Variants in LOC400499 observed in about 807,000 individuals in gnomAD.
chr16:11,429,664 G>C, the LOC400499 span, among the ~76,000 whole-genome samples: 1 of 152,166 alleles, frequency 6.6e-6, no homozygotes, highest in Non-Finnish European at 1.5e-5. Context: ...AGTAGCGACG[G>C]GGTTTCACCA....
chr16:11,410,694 C>T, the LOC400499 span, among the ~76,000 whole-genome samples: 1 of 91,764 alleles, frequency 1.1e-5, no homozygotes, highest in Non-Finnish European at 2.3e-5. Context: ...CATGCACTCA[C>T]CTATTCATGC....
chr16:11,420,997 G>A, the LOC400499 span, among the ~76,000 whole-genome samples: 1 of 152,144 alleles, frequency 6.6e-6, no homozygotes, highest in Admixed American at 6.5e-5. Context: ...AGTTTCAGGG[G>A]CTCTGTACTG....
At chr16:11,419,472 C>T in the LOC400499 span, among the ~76,000 whole-genome samples, 2,156 of 147,142 alleles carry the variant, frequency 0.015, 20 homozygotes, top group Non-Finnish European at 0.025. Flanking sequence ...AAGACTTAAA[C>T]GTTAGACCTA....
At chr16:11,475,795 C>G in the LOC400499 span, 1 of 396,186 alleles carries the variant, frequency 2.5e-6, no homozygotes, top group Non-Finnish European at 4.5e-6. Flanking sequence ...GCTGCCAGAG[C>G]TTGGCACAGG....
At chr16:11,494,312 C>T in the LOC400499 span, among the ~76,000 whole-genome samples, 1 of 147,610 alleles carries the variant, frequency 6.8e-6, no homozygotes, top group Admixed American at 6.8e-5. Flanking sequence ...GCCCATTCCC[C>T]CTTCCCCCCT....
the LOC400499 span, among the ~76,000 whole-genome samples, chr16:11,380,565 G>C: frequency 6.6e-6 from 1 of 152,148 alleles, no homozygotes; most frequent in African/African-American, 2.4e-5. Flanking sequence ...AATTTCCTAT[G>C]AGAATTCATA....
chr16:11,422,450 A>T, the LOC400499 span, among the ~76,000 whole-genome samples: 3 of 152,258 alleles, frequency 2.0e-5, no homozygotes, highest in South Asian at 4.1e-4. Context: ...CGGAAAGGAA[A>T]GGAAAGGAAA....
chr16:11,448,589 G>A, the LOC400499 span, among the ~76,000 whole-genome samples: 4 of 152,074 alleles, frequency 2.6e-5, no homozygotes, highest in Admixed American at 2.0e-4. Context: ...ATGGTGGCAT[G>A]AGTGGCATGT....
At chr16:11,497,162 G>C in the LOC400499 span, among the ~76,000 whole-genome samples, 3 of 152,192 alleles carry the variant, frequency 2.0e-5, no homozygotes, top group Non-Finnish European at 2.9e-5. Context: ...CAGTGTGCGT[G>C]TGCACGTCCC....
the LOC400499 span, chr16:11,493,804 G>A: frequency 1.3e-5 from 5 of 371,788 alleles, no homozygotes; most frequent in South Asian, 1.5e-4. Flanking sequence ...GAGCTAAATC[G>A]AGATGGAGGT....
At chr16:11,438,483 T>C in the LOC400499 span, among the ~76,000 whole-genome samples, 1 of 151,810 alleles carries the variant, frequency 6.6e-6, no homozygotes, top group African/African-American at 2.4e-5. Context: ...AAAAAAATGC[T>C]ATCAGGGCTG....
the LOC400499 span, among the ~76,000 whole-genome samples, chr16:11,400,710 G>C: frequency 1.3e-5 from 2 of 152,094 alleles, no homozygotes; most frequent in Non-Finnish European, 2.9e-5. Flanking sequence ...CTCAGTGCTG[G>C]GATTACAGGC....
chr16:11,496,332 G>C, the LOC400499 span, among the ~76,000 whole-genome samples: 1 of 152,202 alleles, frequency 6.6e-6, no homozygotes, highest in Admixed American at 6.5e-5. Flanking sequence ...CTCCCAAAGT[G>C]CTGGGATTAC....
At chr16:11,419,571 C>T in the LOC400499 span, among the ~76,000 whole-genome samples, 1 of 152,152 alleles carries the variant, frequency 6.6e-6, no homozygotes, top group Non-Finnish European at 1.5e-5. Context: ...ACACCAAAAG[C>T]AATGGCGACA....
chr16:11,446,457 C>A, the LOC400499 span: 2 of 1,200,782 alleles, frequency 1.7e-6, no homozygotes, highest in Non-Finnish European at 2.4e-6. Flanking sequence ...TGCACTCAGT[C>A]CAGATAACAT....
At chr16:11,484,860 G>C in the LOC400499 span, 7 of 399,050 alleles carry the variant, frequency 1.8e-5, no homozygotes, top group Non-Finnish European at 3.1e-5. Context: ...AGTACAGTGG[G>C]TGTGGCCACC....
At chr16:11,497,084 G>A in the LOC400499 span, among the ~76,000 whole-genome samples, 1 of 152,166 alleles carries the variant, frequency 6.6e-6, no homozygotes, top group African/African-American at 2.4e-5. Flanking sequence ...CTGTGTGTTT[G>A]TGTGTCCCTG....
chr16:11,446,624 G>C, the LOC400499 span: 1 of 1,536,102 alleles, frequency 6.5e-7, no homozygotes, highest in Non-Finnish European at 8.7e-7. Context: ...GGATGCATCA[G>C]ACCTGCACAG....
chr16:11,497,488 G>C, the LOC400499 span, among the ~76,000 whole-genome samples: 1 of 152,364 alleles, frequency 6.6e-6, no homozygotes, highest in East Asian at 1.9e-4. Context: ...GCCTCTGACT[G>C]CTTTGCCCAA....
Sources: gnomAD v4.1 joint callset for allele counts (sites outside exome capture counted in the v4.1 genomes callset) on GRCh38, gnomAD v4.1.1 for gene constraint, MANE v1.5 for transcripts.